The following COL16A1 variants were observed in gnomAD, a reference collection of about 807,000 sequenced individuals.
COL16A1 encodes collagen type XVI alpha 1 chain, also known as collagen alpha-1(XVI) chain.
A neutral mutation model predicts 266.3 loss-of-function variants in COL16A1; 189 were observed. That is an observed-to-expected ratio of 0.71 (90% CI 0.63 to 0.80). The LOEUF is 0.80. COL16A1 is among the 30% of genes least tolerant of loss of function. COL16A1 has a pLI of 0.00. For missense variants in COL16A1, 1,928 were observed against 2,122.4 expected (o/e 0.91, Z 1.80); for synonymous variants, 740 against 782.3 (o/e 0.95, Z 0.90).
intron 66 of COL16A1, 92 bp from the exon 67 acceptor site, chr1:31,655,594 C>T (rs1285278844): frequency 2.6e-6 from 4 of 1,567,310 alleles, no homozygotes; most frequent in East Asian, 4.5e-5. Flanking sequence ...AGGCCCCCAG[C>T]GTCTCCCTCT....
intron 42 of COL16A1, among the ~76,000 whole-genome samples, chr1:31,677,459 G>T (rs925750954): frequency 6.6e-6 from 1 of 152,232 alleles, no homozygotes; most frequent in Non-Finnish European, 1.5e-5. Context: ...CAGTGTGATA[G>T]TTCAAGCCTG....
intron 29 of COL16A1, 122 bp from the exon 30 acceptor site, chr1:31,684,978 G>A (rs1643899819): frequency 3.8e-6 from 6 of 1,574,274 alleles, no homozygotes; most frequent in Non-Finnish European, 4.3e-6. Context: ...TTTCGTGCTA[G>A]TGAAGCAATC....
chr1:31,675,507 G>T (rs1449349560), intron 42 of COL16A1, among the ~76,000 whole-genome samples, 196 bp from the exon 43 acceptor site: 3 of 152,136 alleles, frequency 2.0e-5, no homozygotes, highest in Admixed American at 2.0e-4. Flanking sequence ...AGGCCCAGAA[G>T]AGCGACCCCC....
intron 67 of COL16A1, 143 bp downstream of exon 67, chr1:31,655,171 C>T: frequency 7.3e-7 from 1 of 1,362,852 alleles, no homozygotes; most frequent in Non-Finnish European, 9.8e-7. Flanking sequence ...CCCCACCCTT[C>T]CGCACACAGT....
At position 31,690,609 on chromosome 1, in the gene COL16A1, T is replaced by A. The variant is rs767148343; in HGVS notation, c.1438-36A>T. 2.6e-5 allele frequency: 42 copies of A among 1,610,608 alleles called. No individual in the cohort carries two copies. The South Asian group carries it at 4.0e-4, about 15-fold the overall frequency. ...AAGAAAGGATAAGCGGGGAGCCTTCTGGCCAATGCAATCTCGGTGCGTTCC... is the reference window on the plus strand; with the variant it reads ...AAGAAAGGATAAGCGGGGAGCCTTCAGGCCAATGCAATCTCGGTGCGTTCC... On this transcript the variant is annotated intron_variant, in intron 20 of 70. Transcript: ENST00000373672.
At chr1:31,672,566 T>G (rs1243387226) in intron 46 of COL16A1, 30 bp downstream of exon 46, 5 of 1,610,978 alleles carry the variant, frequency 3.1e-6, no homozygotes, top group Non-Finnish European at 4.2e-6. Flanking sequence ...GCATGGGGCA[T>G]GATCGGGGGA....
At chr1:31,662,717 C>T in intron 56 of COL16A1, 59 bp from the exon 57 acceptor site, 1 of 1,436,620 alleles carries the variant, frequency 7.0e-7, no homozygotes, top group South Asian at 1.3e-5. Flanking sequence ...GGGCTTTGCC[C>T]CACCCATGGA....
rs1644492580 is a variant in COL16A1 at position 31,696,211 on chromosome 1, C to T, written c.865-70G>A. 5.0e-5 allele frequency: 71 copies of T among 1,426,148 alleles called. No individual in the cohort carries two copies. The South Asian group carries it at 8.0e-4, about 16-fold the overall frequency. 88.3% of individuals were successfully genotyped at this position (1,426,148 alleles called of 1,614,324 possible). A position where few individuals can be genotyped will look rare whatever the true frequency, so the allele number is the denominator to read the frequency against. On this transcript the variant is annotated intron_variant, in intron 8 of 70. Coordinates refer to ENST00000373672, the MANE Select transcript of COL16A1 (RefSeq NM_001856.4). ...CTGGGGTCCAGGCTGGAAAGGGGCA[C>T]CCAGGCAGGGGGCATGGGCCCCAGG...
At chr1:31,667,298 T>TG (rs1642220330) in intron 52 of COL16A1, among the ~76,000 whole-genome samples, 1 of 152,158 alleles carries the variant, frequency 6.6e-6, no homozygotes, top group Admixed American at 6.5e-5. Flanking sequence ...TCTGGGGAGC[T>TG]GGGGTCCACT....
intron 47 of COL16A1, among the ~76,000 whole-genome samples, 181 bp downstream of exon 47, chr1:31,672,235 G>A (rs1642780851): frequency 6.6e-6 from 1 of 152,168 alleles, no homozygotes; most frequent in South Asian, 2.1e-4. Flanking sequence ...GGGCACTGGG[G>A]AGAAAGAGTG....
chr1:31,658,828 A>C, intron 63 of COL16A1, 86 bp downstream of exon 63: 3 of 1,468,078 alleles, frequency 2.0e-6, no homozygotes, highest in Non-Finnish European at 2.8e-6. Context: ...ACTGTTCTCC[A>C]TCCCCCCAGC....
intron 12 of COL16A1, among the ~76,000 whole-genome samples, 161 bp downstream of exon 12, chr1:31,693,983 A>G (rs1644387346): frequency 6.6e-6 from 1 of 152,230 alleles, no homozygotes; most frequent in Non-Finnish European, 1.5e-5. Context: ...TTGCACACAC[A>G]CAAACCCCTG....
At chr1:31,696,380 C>T (rs1644501822) in intron 8 of COL16A1, among the ~76,000 whole-genome samples, 1 of 126,888 alleles carries the variant, frequency 7.9e-6, no homozygotes, top group African/African-American at 3.0e-5. Context: ...TCAATGGGAT[C>T]CTGTGTTCCT....
intron 22 of COL16A1, 90 bp from the exon 23 acceptor site, chr1:31,689,941 T>C: frequency 8.9e-7 from 1 of 1,120,138 alleles, no homozygotes; most frequent in Non-Finnish European, 1.3e-6. Context: ...GCCCTAGACA[T>C]TGGGTCCACC....
chr1:31,689,287 A>G, intron 23 of COL16A1: 1 of 812,956 alleles, frequency 1.2e-6, no homozygotes, highest in Non-Finnish European at 1.9e-6. Context: ...GAATGACGCC[A>G]GGTTAAGCTA....
At chr1:31,683,483 A>G in intron 34 of COL16A1, 114 bp from the exon 35 acceptor site, 1 of 1,597,980 alleles carries the variant, frequency 6.3e-7, no homozygotes, top group African/African-American at 1.3e-5. Context: ...CCAAATTCAG[A>G]AGAGCTCCCC....
intron 52 of COL16A1, chr1:31,666,505 C>T (rs1272211208): frequency 8.4e-6 from 2 of 237,384 alleles, no homozygotes; most frequent in Middle Eastern, 1.4e-3. Flanking sequence ...TTCCGCCTTG[C>T]TCAGTCAGAC....
Position 31,695,214 on chromosome 1 carries a change from G to C in COL16A1, c.953C>G (p.Pro318Arg). The part of the protein sequence containing the change: ...HQETAADECP[P>R]CVHGARDSNV... ...GCTGTCCCGGGCACCATGGACACAG[G>C]GCGGACACTGAAAGGGAAGAGCAGG... Residue 318 changes from proline (P) to arginine (R), a missense_variant, in exon 11 of 71, where the codon CCC becomes CGC. Transcript: ENST00000373672. 6.2e-7 allele frequency: 1 copy of C among 1,613,914 alleles called. No individual in the cohort carries two copies. The highest frequency in any genetic ancestry group is 1.1e-5 in the South Asian group (1 of 91,062).
intron 55 of COL16A1, 54 bp from the exon 56 acceptor site, chr1:31,665,288 C>T: frequency 3.8e-6 from 6 of 1,571,678 alleles, no homozygotes; most frequent in Non-Finnish European, 4.3e-6. Flanking sequence ...GGGGGAGCTC[C>T]CCTTCTTTAT....
Sources: gnomAD v4.1 joint callset for allele counts (sites outside exome capture counted in the v4.1 genomes callset) on GRCh38, gnomAD v4.1.1 for gene constraint, MANE v1.5 for transcripts, NCBI Gene and HGNC (gene_info 2026-07-23, HGNC 2026-07-21) for gene names.